Variants in SLIT2 observed in about 807,000 individuals in gnomAD.
SLIT2 encodes slit guidance ligand 2.
A neutral mutation model predicts 185.7 loss-of-function variants in SLIT2; 41 were observed. The observed-to-expected ratio is 0.22, with a 90% confidence interval of 0.17 to 0.29. The LOEUF (loss-of-function observed/expected upper bound fraction) is 0.29. Ranked by LOEUF, SLIT2 falls within the 10% of genes least tolerant of loss-of-function variation. SLIT2 has a pLI of 1.00. For missense variants in SLIT2, 1,571 were observed against 1,909.0 expected, an observed-to-expected ratio of 0.82 and a Z score of 3.30; for synonymous variants, 693 against 680.2, an observed-to-expected ratio of 1.02 and a Z score of -0.29.
intron 4 of SLIT2, among the ~76,000 whole-genome samples, chr4:20,295,959 C>T (rs1716433751): frequency 6.6e-6 from 1 of 152,202 alleles, no homozygotes; most frequent in Non-Finnish European, 1.5e-5. Flanking sequence ...TGCACTTTAT[C>T]TGTATGATGG....
intron 4 of SLIT2, among the ~76,000 whole-genome samples, chr4:20,370,813 TA>T (rs1276578018): frequency 2.0e-5 from 3 of 152,090 alleles, no homozygotes; most frequent in Non-Finnish European, 4.4e-5. Context: ...CATTTTCCTG[TA>T]AAACAGAGGA....
At chr4:20,560,360 T>C (rs1206289838) in intron 26 of SLIT2, among the ~76,000 whole-genome samples, 2 of 151,994 alleles carry the variant, frequency 1.3e-5, no homozygotes, top group Non-Finnish European at 2.9e-5. Context: ...AAAAGTGTTT[T>C]CTTTATGGTA....
intron 4 of SLIT2, among the ~76,000 whole-genome samples, chr4:20,297,978 A>G (rs1161916016): frequency 6.6e-6 from 1 of 152,152 alleles, no homozygotes; most frequent in East Asian, 1.9e-4. Flanking sequence ...CACACAGCCT[A>G]TTTAATCCAT....
intron 11 of SLIT2, 69 bp downstream of exon 11, chr4:20,511,206 G>T: frequency 1.1e-6 from 1 of 880,160 alleles, no homozygotes; most frequent in Non-Finnish European, 1.8e-6. Flanking sequence ...TTTTTAAATT[G>T]GGGTTTAAAA....
intron 4 of SLIT2, among the ~76,000 whole-genome samples, chr4:20,380,580 GA>G (rs1361237008): frequency 2.0e-5 from 3 of 151,916 alleles, no homozygotes; most frequent in African/African-American, 7.3e-5. Flanking sequence ...AAAAATGAAA[GA>G]TAAGAAAAGA....
rs572581106 is a variant in SLIT2 at position 20,528,333 on chromosome 4, G to A, written c.1463-616G>A. The A allele has an allele frequency of 3.7e-6, 2 of 534,622 alleles. No homozygotes were observed. The highest frequency in any genetic ancestry group is 1.9e-5 in the Admixed American group (1 of 51,578). 33.1% of individuals were successfully genotyped at this position (534,622 alleles called of 1,614,324 possible). A position where few individuals can be genotyped will look rare whatever the true frequency, so the allele number is the denominator to read the frequency against. On this transcript the variant is annotated intron_variant, in intron 15 of 36. Transcript: ENST00000504154. The surrounding 1 kb of genome is among the most constrained non-coding windows in gnomAD (Gnocchi z 4.2). ...ATCTAACCATGTGGTTGCGAGGTAT[G>A]AGTAAAACATGGTTCCGTCAAGCAC...
At chr4:20,480,366 T>G (rs140731028) in intron 5 of SLIT2, among the ~76,000 whole-genome samples, 1 of 152,306 alleles carries the variant, frequency 6.6e-6, no homozygotes, top group Non-Finnish European at 1.5e-5. Flanking sequence ...TGATTTACAG[T>G]CCTTTACCTT....
At chr4:20,347,932 A>T (rs1721556989) in intron 4 of SLIT2, among the ~76,000 whole-genome samples, 2 of 152,304 alleles carry the variant, frequency 1.3e-5, no homozygotes, top group South Asian at 4.1e-4. Context: ...GATTTTAAGC[A>T]ATATCATTGT....
At chr4:20,475,660 G>GA (rs147454183) in intron 5 of SLIT2, among the ~76,000 whole-genome samples, 5,049 of 152,200 alleles carry the variant, frequency 0.033, 208 homozygotes, top group East Asian at 0.15. Flanking sequence ...ATAATAAGAT[G>GA]ACGTATCTAC....
At chr4:20,614,083 G>A (rs113526526) in intron 34 of SLIT2, among the ~76,000 whole-genome samples, 3 of 152,174 alleles carry the variant, frequency 2.0e-5, no homozygotes, top group African/African-American at 7.2e-5. Flanking sequence ...ATGTTTGGCA[G>A]GCTGGTCTCA....
intron 8 of SLIT2, among the ~76,000 whole-genome samples, chr4:20,489,715 C>T (rs1468132017): frequency 2.0e-5 from 3 of 151,100 alleles, no homozygotes; most frequent in Admixed American, 6.6e-5. Context: ...ATCTGGGAGG[C>T]GGAGATTGCA....
chr4:20,593,854 G>T (rs151121279), intron 30 of SLIT2, among the ~76,000 whole-genome samples: 2 of 151,970 alleles, frequency 1.3e-5, no homozygotes, highest in Admixed American at 1.3e-4. Context: ...TGTAAAACCT[G>T]AATTCTGCAA....
chr4:20,484,627 C>A lies in SLIT2; in HGVS notation c.540-1573C>A, dbSNP rs1018200939. ...TGAACGCACCATCAATAACCGCAGC[C>A]ACCAACTGGCCCAGAGTGGCCTCAA... On this transcript the variant is annotated intron_variant, in intron 6 of 36. Coordinates refer to ENST00000504154, the MANE Select transcript of SLIT2 (RefSeq NM_004787.4). This position sits in a 1 kb window ranked among gnomAD's most constrained non-coding sequence, Gnocchi z 4.3. Among the ~76,000 whole-genome samples the A allele has an allele frequency of 3.3e-5, 5 of 152,136 alleles. No homozygotes were observed. Among genetic ancestry groups the A allele is most frequent in the Non-Finnish European group, 2.9e-5 (2 of 68,012 alleles).
intron 30 of SLIT2, among the ~76,000 whole-genome samples, chr4:20,593,825 C>T (rs1025947173): frequency 5.3e-5 from 8 of 151,648 alleles, no homozygotes; most frequent in East Asian, 1.9e-4. Flanking sequence ...AGAATGAAGC[C>T]GGGGTACAAA....
intron 9 of SLIT2, among the ~76,000 whole-genome samples, chr4:20,494,904 A>G (rs1356279711): frequency 6.6e-5 from 10 of 152,154 alleles, no homozygotes; most frequent in Non-Finnish European, 4.4e-5. Context: ...TGAAACCATC[A>G]ACTGTCTAAT....
At chr4:20,477,844 G>C (rs1339617706) in intron 5 of SLIT2, among the ~76,000 whole-genome samples, 1 of 152,122 alleles carries the variant, frequency 6.6e-6, no homozygotes, top group East Asian at 1.9e-4. Flanking sequence ...TCTTAATTCA[G>C]AATAATTTCG....
chr4:20,382,304 T>G (rs1216656623), intron 4 of SLIT2, among the ~76,000 whole-genome samples: 1 of 152,108 alleles, frequency 6.6e-6, no homozygotes, highest in Non-Finnish European at 1.5e-5. Context: ...AAGACAAGGA[T>G]GTGCACTCCT....
At chr4:20,575,101 C>T (rs561647568) in intron 29 of SLIT2, among the ~76,000 whole-genome samples, 1 of 152,212 alleles carries the variant, frequency 6.6e-6, no homozygotes, top group African/African-American at 2.4e-5. Flanking sequence ...ATCTCAGAAA[C>T]ATAATAGCAA....
At position 20,618,928 on chromosome 4, in the gene SLIT2, T is replaced by C. The variant is rs1283921618; in HGVS notation, c.4509T>C (p.Ser1503=). Reference sequence around the variant, plus strand: ...TGAGGAGCAAGCGGCGGAAATACTCTTTCGAATGCACTGACGGCTCCTCCT... The same window carrying C: ...TGAGGAGCAAGCGGCGGAAATACTCCTTCGAATGCACTGACGGCTCCTCCT... ...GPLRSKRRKY[S]FECTDGSSFV... The change falls in exon 37 of 37, where the codon TCT becomes TCC. Residue 1503 remains serine (S), a synonymous_variant. Coordinates refer to ENST00000504154, the MANE Select transcript of SLIT2 (RefSeq NM_004787.4). The C allele has an allele frequency of 8.7e-6, 14 of 1,613,956 alleles. No homozygotes were observed. Among genetic ancestry groups the C allele is most frequent in the Non-Finnish European group, 1.2e-5 (14 of 1,180,024 alleles).
Sources: gnomAD v4.1 joint callset for allele counts (sites outside exome capture counted in the v4.1 genomes callset) on GRCh38, gnomAD v4.1.1 for gene constraint, Gnocchi (gnomAD v3.1) non-coding constraint, MANE v1.5 for transcripts, NCBI Gene and HGNC (gene_info 2026-07-23, HGNC 2026-07-21) for gene names.